GPC6: variants seen among roughly 807,000 people sequenced by gnomAD.
GPC6 encodes glypican-6.
A neutral mutation model predicts 55.2 loss-of-function variants in GPC6; 14 were observed. The ratio of observed to expected loss-of-function variants is 0.25; its 90% CI spans 0.17 to 0.40. The LOEUF (loss-of-function observed/expected upper bound fraction) is 0.40, where lower values mean the gene tolerates loss of function less well. Among genes scored for constraint, GPC6 ranks in the 10% least tolerant of loss-of-function variants. The pLI is 1.00. For missense variants in GPC6, 641 were observed against 708.5 expected, an observed-to-expected ratio of 0.90 and a Z score of 1.08; for synonymous variants, 278 against 259.6, an observed-to-expected ratio of 1.07 and a Z score of -0.68.
intron 4 of GPC6, among the ~76,000 whole-genome samples, chr13:94,108,647 C>G (rs1279726759): frequency 6.6e-6 from 1 of 152,078 alleles, no homozygotes; most frequent in Admixed American, 6.5e-5. Context: ...TCAAGACCAG[C>G]CTGGCCAACA....
chr13:93,996,970 C>T (rs1267090809), intron 3 of GPC6, among the ~76,000 whole-genome samples: 1 of 152,076 alleles, frequency 6.6e-6, no homozygotes, highest in African/African-American at 2.4e-5. Context: ...GCACAATTAC[C>T]TCATGAGTGA....
chr13:93,477,281 T>C (rs1879334965), intron 1 of GPC6, among the ~76,000 whole-genome samples: 1 of 152,174 alleles, frequency 6.6e-6, no homozygotes, highest in African/African-American at 2.4e-5. Context: ...TTAAAGACAA[T>C]TTTTGTAAAT....
intron 1 of GPC6, among the ~76,000 whole-genome samples, chr13:93,330,138 A>G (rs906935239): frequency 6.6e-6 from 1 of 152,196 alleles, no homozygotes; most frequent in Non-Finnish European, 1.5e-5. Flanking sequence ...TCATTGTGCA[A>G]GAATGTCTTG....
intron 1 of GPC6, among the ~76,000 whole-genome samples, chr13:93,482,279 A>C (rs1056042565): frequency 6.6e-6 from 1 of 152,114 alleles, no homozygotes; most frequent in African/African-American, 2.4e-5. Context: ...AACAAATTTT[A>C]AGGATTTTCT....
chr13:93,418,478 G>A (rs1416024854), intron 1 of GPC6, among the ~76,000 whole-genome samples: 1 of 150,838 alleles, frequency 6.6e-6, no homozygotes, highest in Non-Finnish European at 1.5e-5. Context: ...TTTATTAATA[G>A]CAGTATGCTG....
chr13:93,367,529 C>T (rs1010747830), intron 1 of GPC6, among the ~76,000 whole-genome samples: 2 of 151,910 alleles, frequency 1.3e-5, no homozygotes, highest in Non-Finnish European at 2.9e-5. Flanking sequence ...GAAGTGGGTG[C>T]TTAGATAACT....
At chr13:94,113,883 G>A (rs573072862) in intron 4 of GPC6, among the ~76,000 whole-genome samples, 129 of 151,652 alleles carry the variant, frequency 8.5e-4, no homozygotes, top group Middle Eastern at 3.4e-3. Context: ...GTAGCCAGAT[G>A]TGGTGGCACA....
chr13:93,805,572 TAA>T (rs1458876944), intron 2 of GPC6, among the ~76,000 whole-genome samples: 1 of 152,254 alleles, frequency 6.6e-6, no homozygotes, highest in African/African-American at 2.4e-5. Flanking sequence ...TTGAACTATG[TAA>T]TGCATGGGTA....
intron 1 of GPC6, among the ~76,000 whole-genome samples, chr13:93,363,117 G>GTTTTTTTTTT (rs199840187): frequency 2.4e-5 from 3 of 126,012 alleles, no homozygotes; most frequent in East Asian, 2.3e-4. Context: ...CTTTTTTTTT[G>GTTTTTTTTTT]TTTTTTTTTT....
At chr13:93,918,038 G>T (rs982679416) in intron 3 of GPC6, among the ~76,000 whole-genome samples, 1 of 151,792 alleles carries the variant, frequency 6.6e-6, no homozygotes, top group Non-Finnish European at 1.5e-5. Flanking sequence ...CAGAGGTTGC[G>T]GTGAGCTGAG....
intron 2 of GPC6, among the ~76,000 whole-genome samples, chr13:93,573,198 G>A (rs1483463551): frequency 6.6e-6 from 1 of 151,916 alleles, no homozygotes; most frequent in Admixed American, 6.6e-5. Flanking sequence ...GATACAGATG[G>A]TATGTGATGA....
At chr13:94,187,055 C>T (rs886440818) in intron 4 of GPC6, 1 of 152,188 alleles carries the variant, frequency 6.6e-6, no homozygotes, top group Admixed American at 6.5e-5. Context: ...CCTTTATGAA[C>T]CTGCTCTTGG....
intron 2 of GPC6, among the ~76,000 whole-genome samples, chr13:93,681,467 G>A (rs1311772866): frequency 1.3e-5 from 2 of 152,116 alleles, no homozygotes; most frequent in East Asian, 1.9e-4. Flanking sequence ...AGGAAGATAC[G>A]GCAAGAGCTG....
chr13:93,940,409 GATGA>G (rs1290428131), intron 3 of GPC6, among the ~76,000 whole-genome samples: 9 of 144,508 alleles, frequency 6.2e-5, no homozygotes, highest in Middle Eastern at 3.6e-3. Flanking sequence ...TGAATGGATG[GATGA>G]ATGGATGGAT....
chr13:93,472,759 C>G (rs907753729), intron 1 of GPC6, among the ~76,000 whole-genome samples: 1 of 152,152 alleles, frequency 6.6e-6, no homozygotes, highest in African/African-American at 2.4e-5. Flanking sequence ...TGTTACAGCC[C>G]TTTTAGCTTT....
At chr13:93,440,589 G>A (rs996950962) in intron 1 of GPC6, among the ~76,000 whole-genome samples, 24 of 152,072 alleles carry the variant, frequency 1.6e-4, no homozygotes, top group African/African-American at 5.6e-4. Context: ...CTTCCAGTTA[G>A]GCTGAATAAC....
intron 1 of GPC6, among the ~76,000 whole-genome samples, chr13:93,283,458 A>G (rs1021663815): frequency 1.3e-5 from 2 of 152,208 alleles, no homozygotes; most frequent in Non-Finnish European, 2.9e-5. Context: ...GAGTTAACAG[A>G]TGAATATCAG....
intron 2 of GPC6, among the ~76,000 whole-genome samples, chr13:93,665,836 T>C (rs1209693451): frequency 6.6e-6 from 1 of 152,168 alleles, no homozygotes. Context: ...TCATCCTGTC[T>C]TGACTGAGCC....
At chr13:93,511,602 G>A (rs985495156) in intron 1 of GPC6, among the ~76,000 whole-genome samples, 2 of 152,030 alleles carry the variant, frequency 1.3e-5, no homozygotes, top group Admixed American at 1.3e-4. Context: ...TTGAAGTGAT[G>A]TAATGGAATA....
Sources: gnomAD v4.1 joint callset for allele counts (sites outside exome capture counted in the v4.1 genomes callset) on GRCh38, gnomAD v4.1.1 for gene constraint, MANE v1.5 for transcripts, NCBI Gene and HGNC (gene_info 2026-07-23, HGNC 2026-07-21) for gene names.